The following LOXL2 variants were observed in gnomAD, a reference collection of about 807,000 sequenced individuals.
The protein encoded by LOXL2 is lysyl oxidase homolog 2.
LOXL2 carries 70 observed loss-of-function variants against 93.0 expected under a neutral mutation model. The ratio of observed to expected loss-of-function variants is 0.75; its 90% CI spans 0.62 to 0.92. The LOEUF is 0.92. LOXL2 is among the 40% of genes least tolerant of loss of function. The pLI is 0.00. For missense variants in LOXL2, 973 were observed against 1,054.9 expected (o/e 0.92, Z 1.08); for synonymous variants, 438 against 413.2 (o/e 1.06, Z -0.73).
rs1803295688 is a variant in LOXL2, at chr8:23,309,889, A to G, written c.1659T>C (p.Asn553=). The part of the protein sequence containing the change: ...CSETAPDLVL[N]AEMVQQTTYL... ...AGGTGGTCTGCTGCACCATCTCCGC[A>G]TTGAGGACCAGGTCAGGGGCGGCTG... Residue 553 remains asparagine, a synonymous_variant, in exon 10 of 14, where the codon AAT becomes AAC. Coordinates refer to ENST00000389131, the MANE Select transcript of LOXL2 (RefSeq NM_002318.3). 5 of 1,539,886 alleles carry G rather than the reference A, an allele frequency of 3.2e-6. No homozygotes were observed. Among genetic ancestry groups the G allele is most frequent in the East Asian group, 5.0e-5 (2 of 40,264 alleles).
intron 1 of LOXL2, among the ~76,000 whole-genome samples, chr8:23,390,856 GA>G (rs1804833448): frequency 3.3e-5 from 5 of 152,156 alleles, no homozygotes; most frequent in Admixed American, 3.3e-4. Context: ...ACATACCTGA[GA>G]TGGGGTAATT....
chr8:23,347,312 G>T (rs1181206036), intron 3 of LOXL2, among the ~76,000 whole-genome samples: 2 of 151,920 alleles, frequency 1.3e-5, no homozygotes, highest in Non-Finnish European at 2.9e-5. Flanking sequence ...AGCCGAGATT[G>T]CGCCACTACA....
At chr8:23,397,713 G>C (rs1800109463) in intron 1 of LOXL2, among the ~76,000 whole-genome samples, 1 of 150,678 alleles carries the variant, frequency 6.6e-6, no homozygotes, top group South Asian at 2.1e-4. Flanking sequence ...GGGAGGCGGA[G>C]CTTGCAGTGA....
At chr8:23,363,776 T>C (rs528335242) in intron 2 of LOXL2, 6 of 152,342 alleles carry the variant, frequency 3.9e-5, no homozygotes, top group Admixed American at 3.9e-4. Context: ...CCACATATGC[T>C]TGGTCAATTT....
chr8:23,403,185 C>T (rs1307528613), intron 1 of LOXL2, among the ~76,000 whole-genome samples: 1 of 152,212 alleles, frequency 6.6e-6, no homozygotes, highest in Non-Finnish European at 1.5e-5. Context: ...CTTCAGACCA[C>T]CGGACCAACG....
chr8:23,400,702 G>A (rs1452400834), intron 1 of LOXL2, among the ~76,000 whole-genome samples: 3 of 152,142 alleles, frequency 2.0e-5, no homozygotes, highest in South Asian at 4.1e-4. Context: ...TGCTCAGAGA[G>A]GGGAGATTGT....
intron 1 of LOXL2, among the ~76,000 whole-genome samples, chr8:23,392,452 C>T (rs1162993854): frequency 1.3e-5 from 2 of 152,166 alleles, no homozygotes; most frequent in Non-Finnish European, 1.5e-5. Context: ...TGCAGGTCCT[C>T]GCTTTTACTG....
intron 3 of LOXL2, among the ~76,000 whole-genome samples, chr8:23,346,695 G>A (rs1399131705): frequency 2.0e-5 from 3 of 152,208 alleles, no homozygotes; most frequent in Non-Finnish European, 4.4e-5. Context: ...AGTCAAGCAA[G>A]CCAGCCTACA....
At chr8:23,352,766 C>G (rs1163222352) in intron 3 of LOXL2, among the ~76,000 whole-genome samples, 4 of 151,870 alleles carry the variant, frequency 2.6e-5, no homozygotes, top group Non-Finnish European at 5.9e-5. Flanking sequence ...ACCAGGTTCT[C>G]CCCTTGGGTG....
At chr8:23,316,278 A>T (rs759498904) in intron 9 of LOXL2, among the ~76,000 whole-genome samples, 1 of 152,236 alleles carries the variant, frequency 6.6e-6, no homozygotes, top group Non-Finnish European at 1.5e-5. Context: ...AAGATCAGCC[A>T]ATAAGGCAGG....
chr8:23,304,794 GCTC>G (rs1803202759), intron 10 of LOXL2, among the ~76,000 whole-genome samples: 1 of 152,186 alleles, frequency 6.6e-6, no homozygotes, highest in African/African-American at 2.4e-5. Context: ...GCAGGCAGGA[GCTC>G]CTCACTTCCC....
chr8:23,302,701 G>C (rs1360079054), intron 11 of LOXL2, among the ~76,000 whole-genome samples: 1 of 152,172 alleles, frequency 6.6e-6, no homozygotes, highest in Non-Finnish European at 1.5e-5. Context: ...GCCATGCCTG[G>C]ACACTGCTGT....
intron 2 of LOXL2, among the ~76,000 whole-genome samples, chr8:23,361,089 T>TG (rs1425320024): frequency 6.6e-6 from 1 of 151,936 alleles, no homozygotes; most frequent in Non-Finnish European, 1.5e-5. Flanking sequence ...TTAGTAGAGA[T>TG]GGAGTGTCAC....
At chr8:23,380,524 C>T (rs1311114472) in intron 1 of LOXL2, among the ~76,000 whole-genome samples, 2 of 152,072 alleles carry the variant, frequency 1.3e-5, no homozygotes, top group South Asian at 2.1e-4. Flanking sequence ...TCTAGAACAG[C>T]GCTCCTGAAT....
At chr8:23,346,146 T>TAAAAAAAAATAAA (rs1364307667) in intron 3 of LOXL2, among the ~76,000 whole-genome samples, 1 of 78,046 alleles carries the variant, frequency 1.3e-5, no homozygotes, top group African/African-American at 3.6e-5. Context: ...ATAAAATAAA[T>TAAAAAAAAATAAA]AAAATAAAAT....
chr8:23,347,589 G>A (rs975272546), intron 3 of LOXL2, among the ~76,000 whole-genome samples: 7 of 152,188 alleles, frequency 4.6e-5, no homozygotes, highest in African/African-American at 1.4e-4. Context: ...GGCGGAGTTT[G>A]CAGTGAGCAA....
intron 9 of LOXL2, among the ~76,000 whole-genome samples, chr8:23,316,342 C>T (rs55965161): frequency 0.03 from 4,578 of 152,142 alleles, 226 homozygotes; most frequent in African/African-American, 0.1. Flanking sequence ...GAGATGGCTG[C>T]GTGTGGGTTT....
At chr8:23,391,788 C>G (rs1385216193) in intron 1 of LOXL2, among the ~76,000 whole-genome samples, 1 of 152,064 alleles carries the variant, frequency 6.6e-6, no homozygotes, top group East Asian at 1.9e-4. Context: ...TTGGCCTAGG[C>G]ACAGACACTG....
intron 2 of LOXL2, among the ~76,000 whole-genome samples, chr8:23,362,372 A>G (rs2117207243): frequency 6.6e-6 from 1 of 152,352 alleles, no homozygotes; most frequent in South Asian, 2.1e-4. Context: ...GCAAAATGGA[A>G]AAGTTCTGCT....
Sources: allele counts gnomAD v4.1 joint callset (sites outside exome capture counted in the v4.1 genomes callset), GRCh38; gene constraint gnomAD v4.1.1; transcripts MANE v1.5; gene names NCBI Gene and HGNC (gene_info 2026-07-23, HGNC 2026-07-21).